RNF150: variants seen among roughly 807,000 people sequenced by gnomAD.
RNF150 encodes the protein ring finger protein 150.
In RNF150, 24 loss-of-function variants were observed where a neutral mutation model predicts 39.3. That is an observed-to-expected ratio of 0.61 (90% CI 0.44 to 0.86). The LOEUF is 0.86. RNF150 is among the 40% of genes least tolerant of loss of function. The pLI is 0.00. For missense variants in RNF150, 502 were observed against 587.8 expected, an observed-to-expected ratio of 0.85 and a Z score of 1.51; for synonymous variants, 255 against 227.3, an observed-to-expected ratio of 1.12 and a Z score of -1.10.
In RNF150 at chr4:141,112,020, A is replaced by G. The variant is rs187599414; in HGVS notation, c.484+20305T>C. 2.5e-3 allele frequency among the ~76,000 whole-genome samples: 381 copies of G among 152,342 alleles called. 2 individuals carry two copies. Among genetic ancestry groups the G allele is most frequent in the Non-Finnish European group, 2.3e-3 (154 of 68,024 alleles). ...TATTTAGTGGCATAAAAATTTGCATAGACCCCTTTAATAGCATTGGCAGGC... is the reference window on the plus strand; with the variant it reads ...TATTTAGTGGCATAAAAATTTGCATGGACCCCTTTAATAGCATTGGCAGGC... On this transcript the variant is annotated intron_variant, in intron 1 of 6. Coordinates refer to ENST00000515673, the MANE Select transcript of RNF150 (RefSeq NM_020724.2).
At position 141,132,654 on chromosome 4, in the gene RNF150, G is replaced by T. The variant is rs1726931049; in HGVS notation, c.155C>A (p.Ala52Glu). ...AFVNITYAEP[A>E]PDPGAGAAGG... ...CGCCGCCCCGGCCCCGGGGTCCGGC[G>T]CGGGCTCGGCGTAGGTGATGTTCAC... The change falls in exon 1 of 7, where the codon GCG (alanine) becomes GAG (glutamate). Residue 52 changes from alanine (A) to glutamate (E), a missense_variant. By Grantham distance (107) the Ala-to-Glu change is moderately radical (BLOSUM62 -1). Transcript: ENST00000515673. The surrounding 1 kb of genome is among the most constrained non-coding windows in gnomAD (Gnocchi z 4.9). 1 of 1,602,166 alleles carries T rather than the reference G, an allele frequency of 6.2e-7. No homozygotes were observed. The highest frequency in any genetic ancestry group is 1.4e-5 in the African/African-American group (1 of 73,356).
chr4:141,115,171 G>A (rs1739510487), intron 1 of RNF150, among the ~76,000 whole-genome samples: 1 of 152,178 alleles, frequency 6.6e-6, no homozygotes, highest in African/African-American at 2.4e-5. Context: ...GAAATAAAGT[G>A]TATTCAAACA....
At chr4:141,072,589 C>T (rs1432520491) in intron 1 of RNF150, among the ~76,000 whole-genome samples, 1 of 152,198 alleles carries the variant, frequency 6.6e-6, no homozygotes, top group Non-Finnish European at 1.5e-5. Context: ...AACATCCTCA[C>T]AGCATCAAGT....
intron 1 of RNF150, among the ~76,000 whole-genome samples, chr4:140,976,653 T>C (rs530096764): frequency 2.0e-5 from 3 of 151,864 alleles, no homozygotes; most frequent in Non-Finnish European, 4.4e-5. Context: ...TACTCCCCTC[T>C]ACTTTCTATC....
chr4:140,930,863 C>A (rs1731604091), intron 4 of RNF150, among the ~76,000 whole-genome samples: 1 of 151,972 alleles, frequency 6.6e-6, no homozygotes, highest in Admixed American at 6.5e-5. Flanking sequence ...CAAGGCCCTG[C>A]CCTTTAAGGC....
At chr4:141,205,582 A>G (rs1355462389) in intron 1 of RNF150, among the ~76,000 whole-genome samples, 1 of 152,174 alleles carries the variant, frequency 6.6e-6, no homozygotes, top group Non-Finnish European at 1.5e-5. Context: ...GGGTTTGTTC[A>G]TGAGTGGGTA....
At chr4:141,016,890 C>T (rs1735297702) in intron 1 of RNF150, among the ~76,000 whole-genome samples, 2 of 152,194 alleles carry the variant, frequency 1.3e-5, no homozygotes, top group South Asian at 4.1e-4. Flanking sequence ...GAAATCCTCT[C>T]CACTGTCAAT....
intron 2 of RNF150, among the ~76,000 whole-genome samples, chr4:140,955,634 T>C (rs1246594953): frequency 6.6e-6 from 1 of 152,196 alleles, no homozygotes; most frequent in Non-Finnish European, 1.5e-5. Context: ...GAAGACTGCA[T>C]GGATATGACA....
intron 1 of RNF150, among the ~76,000 whole-genome samples, chr4:141,032,081 T>A (rs892301752): frequency 6.6e-6 from 1 of 151,700 alleles, no homozygotes; most frequent in African/African-American, 2.4e-5. Flanking sequence ...TACACATACA[T>A]ACACACACAG....
At chr4:141,028,443 A>G (rs916919751) in intron 1 of RNF150, among the ~76,000 whole-genome samples, 1 of 152,196 alleles carries the variant, frequency 6.6e-6, no homozygotes, top group African/African-American at 2.4e-5. Context: ...AAAAAAGAAT[A>G]AAAGCCTGTT....
At position 141,002,014 on chromosome 4, in the gene RNF150, T is replaced by C. The variant is rs890120806; in HGVS notation, c.485-34141A>G. Among the ~76,000 whole-genome samples, 18 of 152,274 alleles carry C rather than the reference T, an allele frequency of 1.2e-4. 1 individual carries two copies. Among genetic ancestry groups the C allele is most frequent in the African/African-American group, 4.3e-4 (18 of 41,582 alleles). The stretch of plus-strand genomic sequence containing the variant: ...GGAGTAATCAGTTTGATGTGATTAA[T>C]GTGTATGTATATATGTATATGTATC... On this transcript the variant is annotated intron_variant, in intron 1 of 6. Coordinates refer to ENST00000515673, the MANE Select transcript of RNF150 (RefSeq NM_020724.2).
chr4:140,999,414 T>C (rs56920778), intron 1 of RNF150, among the ~76,000 whole-genome samples: 11,549 of 152,252 alleles, frequency 0.076, 497 homozygotes, highest in Middle Eastern at 0.16. Context: ...CACTGATGCA[T>C]TTCTTTTTCA....
chr4:141,138,231 A>G (rs1055405223), upstream of RNF150, among the ~76,000 whole-genome samples: 6 of 152,234 alleles, frequency 3.9e-5, no homozygotes, highest in Admixed American at 2.0e-4. Flanking sequence ...TTAAAATTTT[A>G]TGTGGAGAAG....
rs1482657805 is a variant in RNF150 at position 140,863,355 on chromosome 4, T to C, written c.*4906A>G. ...GCAATGGTTGTAAGATGGGTTGCGATACAACTGGTGATGTGAGAAGTGAAA... is the reference window on the plus strand; with the variant it reads ...GCAATGGTTGTAAGATGGGTTGCGACACAACTGGTGATGTGAGAAGTGAAA... On this transcript the variant is annotated 3_prime_UTR_variant, in exon 7 of 7. Coordinates refer to ENST00000515673, the MANE Select transcript of RNF150 (RefSeq NM_020724.2). The C allele has an allele frequency of 6.6e-6, 1 of 152,204 alleles. No homozygotes were observed. Among genetic ancestry groups the C allele is most frequent in the African/African-American group, 2.4e-5 (1 of 41,456 alleles). The allele number at this position is 152,204 out of a possible 1,614,324, so 9.4% of individuals were successfully genotyped here.
rs1285235277 is a variant in RNF150, at chr4:141,011,418, A to T, written c.485-43545T>A. On this transcript the variant is annotated intron_variant, in intron 1 of 6. Coordinates refer to ENST00000515673, the MANE Select transcript of RNF150 (RefSeq NM_020724.2). ...TGAGATTCTTCTCCTCAATAGTTCTAACTTTACCTTAGAAACACAGCTGTC... is the reference window on the plus strand; with the variant it reads ...TGAGATTCTTCTCCTCAATAGTTCTTACTTTACCTTAGAAACACAGCTGTC... 1.2e-4 allele frequency among the ~76,000 whole-genome samples: 18 copies of T among 152,348 alleles called. No individual in the cohort carries two copies. The East Asian group carries it at 3.3e-3, about 28-fold the overall frequency.
rs374158352 is a variant in RNF150, at chr4:141,132,465, T to C, written c.344A>G (p.Lys115Arg). Residue 115 changes from lysine (K) to arginine (R), a missense_variant, in exon 1 of 7, where the codon AAG becomes AGG. Lys to Arg is a conservative substitution (Grantham distance 26, BLOSUM62 2). Coordinates refer to ENST00000515673, the MANE Select transcript of RNF150 (RefSeq NM_020724.2). This position sits in a 1 kb window ranked among gnomAD's most constrained non-coding sequence, Gnocchi z 4.9. ...NTKFAAPTRG[K>R]NWIALIPKGN... The stretch of plus-strand genomic sequence containing the variant: ...CTTGGGGATGAGGGCTATCCAGTTC[T>C]TGCCGCGGGTCGGGGCGGCGAACTT... The C allele has an allele frequency of 1.8e-5, 29 of 1,610,096 alleles. No individual in the cohort carries two copies. Among genetic ancestry groups the C allele is most frequent in the Non-Finnish European group, 2.3e-5 (27 of 1,178,812 alleles).
chr4:140,952,338 G>A (rs903503093), intron 2 of RNF150, among the ~76,000 whole-genome samples: 39 of 152,148 alleles, frequency 2.6e-4, no homozygotes, highest in Admixed American at 1.3e-4. Context: ...TAAAAAGCAG[G>A]TGAACTAGAA....
rs138798286 is a variant in RNF150 at position 140,925,984 on chromosome 4, C to G, written c.980G>C (p.Gly327Ala). The stretch of plus-strand genomic sequence containing the variant: ...AGGCTGTGCTGTGCTTACCGGGATC[C>G]CTAGGGCTTTAAGAATGTTCATCTT... Reference protein sequence around the residue: ...MCKMNILKALGIPPNADCMDD... With the variant: ...MCKMNILKALAIPPNADCMDD... The change falls in exon 5 of 7, where the codon GGG (glycine) becomes GCG (alanine). Residue 327 changes from glycine to alanine, a missense_variant. By Grantham distance (60) the Gly-to-Ala change is moderately conservative. Coordinates refer to ENST00000515673, the MANE Select transcript of RNF150 (RefSeq NM_020724.2). 3.7e-5 allele frequency: 60 copies of G among 1,610,782 alleles called. No homozygotes were observed. The highest frequency in any genetic ancestry group is 5.0e-5 in the Non-Finnish European group (59 of 1,177,058).
intron 1 of RNF150, among the ~76,000 whole-genome samples, chr4:140,999,218 G>T (rs1011562126): frequency 6.6e-6 from 1 of 152,216 alleles, no homozygotes. Context: ...ATTAAAGGGA[G>T]AGAGGTGATG....
Sources: allele counts gnomAD v4.1 joint callset (sites outside exome capture counted in the v4.1 genomes callset), GRCh38; gene constraint gnomAD v4.1.1; non-coding constraint Gnocchi (gnomAD v3.1); transcripts MANE v1.5; gene names NCBI Gene and HGNC (gene_info 2026-07-23, HGNC 2026-07-21).